ZFR: variants seen among roughly 807,000 people sequenced by gnomAD.
The protein encoded by ZFR is zinc finger RNA binding protein, also known as zinc finger RNA-binding protein.
In ZFR, 19 loss-of-function variants were observed where a neutral mutation model predicts 130.7. The ratio of observed to expected loss-of-function variants is 0.15; its 90% confidence interval spans 0.10 to 0.21. The LOEUF (loss-of-function observed/expected upper bound fraction) is 0.21. Among genes scored for constraint, ZFR ranks in the 10% least tolerant of loss-of-function variants. The pLI, the probability that ZFR is intolerant of heterozygous loss-of-function variation, is 1.00. For synonymous variants in ZFR, 466 were observed against 456.9 expected (o/e 1.02, Z -0.25); for missense variants, 872 against 1,321.5 (o/e 0.66, Z 5.27).
chr5:32,423,662 T>C (rs1754003874), intron 2 of ZFR, among the ~76,000 whole-genome samples: 1 of 151,742 alleles, frequency 6.6e-6, no homozygotes, highest in Non-Finnish European at 1.5e-5. Context: ...AATTAAGAAA[T>C]AAAATTTCCC....
intron 2 of ZFR, among the ~76,000 whole-genome samples, chr5:32,427,299 C>G (rs1271351472): frequency 6.9e-6 from 1 of 145,866 alleles, no homozygotes; most frequent in Non-Finnish European, 1.5e-5. Context: ...TGGCTGGGAT[C>G]ACCTGAGCCC....
In ZFR at chr5:32,354,890, G is replaced by GA. The variant is rs1422527955; in HGVS notation, c.*869dup. ...AAATGCCCTTTCCACTTATACACAA[G>GA]AAAAAAATATTCAGAAAGTTATTTT... On this transcript the variant is annotated 3_prime_UTR_variant, in exon 20 of 20. Coordinates refer to ENST00000265069, the MANE Select transcript of ZFR (RefSeq NM_016107.5). The GA allele has an allele frequency of 2.0e-5, 3 of 151,976 alleles. No individual in the cohort carries two copies. The highest frequency in any genetic ancestry group is 1.9e-4 in the East Asian group (1 of 5,204). 9.4% of individuals were successfully genotyped at this position (151,976 alleles called of 1,614,324 possible).
At chr5:32,380,015 G>A in intron 16 of ZFR, 60 bp downstream of exon 16, 1 of 1,386,142 alleles carries the variant, frequency 7.2e-7, no homozygotes, top group South Asian at 1.2e-5. Context: ...AGTTAAACAT[G>A]TTGTACTGAA....
At chr5:32,382,872 A>G (rs1247114227) in intron 15 of ZFR, among the ~76,000 whole-genome samples, 1 of 152,194 alleles carries the variant, frequency 6.6e-6, no homozygotes, top group East Asian at 1.9e-4. Context: ...TTTCAAGTAG[A>G]TTAACCCCTT....
At chr5:32,377,512 C>T (rs1364687451) in intron 17 of ZFR, among the ~76,000 whole-genome samples, 1 of 151,572 alleles carries the variant, frequency 6.6e-6, no homozygotes, top group Admixed American at 6.6e-5. Context: ...CAAAAATCAT[C>T]ATAAAGCTGA....
At chr5:32,409,584 T>C (rs1322288073) in intron 5 of ZFR, among the ~76,000 whole-genome samples, 1 of 152,102 alleles carries the variant, frequency 6.6e-6, no homozygotes. Flanking sequence ...TTTTGTATTT[T>C]TAGTAGAGAC....
intron 2 of ZFR, among the ~76,000 whole-genome samples, chr5:32,433,357 A>G (rs960944742): frequency 6.6e-6 from 1 of 152,230 alleles, no homozygotes; most frequent in Admixed American, 6.5e-5. Flanking sequence ...TTTTTATTCC[A>G]TATTGCCCTG....
At chr5:32,397,739 G>A (rs1461283914) in intron 9 of ZFR, among the ~76,000 whole-genome samples, 1 of 151,402 alleles carries the variant, frequency 6.6e-6, no homozygotes, top group Non-Finnish European at 1.5e-5. Context: ...ACAGGCATGA[G>A]CCACTGCGCC....
intron 5 of ZFR, among the ~76,000 whole-genome samples, chr5:32,412,417 T>C (rs1753733420): frequency 1.3e-5 from 2 of 152,060 alleles, no homozygotes; most frequent in African/African-American, 2.4e-5. Flanking sequence ...AAGATAAAAA[T>C]AAGGAACTGT....
Position 32,419,824 on chromosome 5 carries a change from G to A in ZFR, c.417C>T (p.Tyr139=), listed in dbSNP as rs770195801. The A allele has an allele frequency of 6.3e-7, 1 of 1,592,408 alleles. No individual in the cohort carries two copies. The highest frequency in any genetic ancestry group is 1.1e-5 in the South Asian group (1 of 89,824). The part of the protein sequence containing the change: ...PPPPPATTQN[Y]QDSYSYVRST... ...CCAAAACTAGTAGTTTTCTTACCTGGTAGTTTTGTGTAGTAGCTGGGGGTG... is the reference window on the plus strand; with the variant it reads ...CCAAAACTAGTAGTTTTCTTACCTGATAGTTTTGTGTAGTAGCTGGGGGTG... The change falls in exon 3 of 20, where the codon TAC becomes TAT. Residue 139 remains tyrosine (Y), a synonymous_variant. Transcript: ENST00000265069.
At chr5:32,423,713 C>G (rs144225387) in intron 2 of ZFR, among the ~76,000 whole-genome samples, 1 of 152,170 alleles carries the variant, frequency 6.6e-6, no homozygotes, top group East Asian at 1.9e-4. Context: ...AAAAAGCTCA[C>G]AGAGAGCAAA....
chr5:32,443,484 A>C (rs1754517259), intron 2 of ZFR, among the ~76,000 whole-genome samples: 1 of 152,272 alleles, frequency 6.6e-6, no homozygotes, highest in Admixed American at 6.5e-5. Flanking sequence ...CCATAGCTCA[A>C]ACAAGGCTGG....
chr5:32,406,886 G>C lies in ZFR; in HGVS notation c.920C>G (p.Thr307Ser). The change falls in exon 6 of 20, where the codon ACC becomes AGC. Residue 307 changes from threonine to serine, a missense_variant. Thr to Ser is a moderately conservative substitution (Grantham distance 58). Coordinates refer to ENST00000265069, the MANE Select transcript of ZFR (RefSeq NM_016107.5). ...AAATAAWTGT[T>S]FTKKAPFQNK... ...TTGGAATGGTGCTTTTTTAGTAAAG[G>C]TGGTCCCTGTCCAGGCAGCTGTTGC... is the stretch of plus-strand genomic sequence containing the variant. 6.2e-7 allele frequency: 1 copy of C among 1,613,868 alleles called. No individual in the cohort carries two copies. Among genetic ancestry groups the C allele is most frequent in the Non-Finnish European group, 8.5e-7 (1 of 1,179,948 alleles).
At chr5:32,418,078 G>C (rs1753868858) in intron 3 of ZFR, among the ~76,000 whole-genome samples, 1 of 152,070 alleles carries the variant, frequency 6.6e-6, no homozygotes, top group East Asian at 1.9e-4. Flanking sequence ...GGCTAACACG[G>C]TGAGACCCCG....
chr5:32,439,394 T>G (rs1464077718), intron 2 of ZFR, among the ~76,000 whole-genome samples: 1 of 152,172 alleles, frequency 6.6e-6, no homozygotes, highest in East Asian at 1.9e-4. Context: ...TTAACACTAC[T>G]TTCAAATAAA....
At chr5:32,363,486 T>C (rs1463995316) in intron 19 of ZFR, among the ~76,000 whole-genome samples, 1 of 152,224 alleles carries the variant, frequency 6.6e-6, no homozygotes, top group Non-Finnish European at 1.5e-5. Flanking sequence ...ACAGATGAGA[T>C]GGCAGAGTTG....
intron 15 of ZFR, 111 bp from the exon 16 acceptor site, chr5:32,380,283 T>C: frequency 1.5e-6 from 1 of 657,388 alleles, no homozygotes; most frequent in Non-Finnish European, 2.7e-6. Flanking sequence ...GAGAGCTTGT[T>C]GGCACTTTAA....
At chr5:32,440,442 G>A (rs1754443797) in intron 2 of ZFR, among the ~76,000 whole-genome samples, 1 of 152,162 alleles carries the variant, frequency 6.6e-6, no homozygotes, top group African/African-American at 2.4e-5. Flanking sequence ...GAGTTCGGGA[G>A]TTTGAGACCA....
intron 19 of ZFR, among the ~76,000 whole-genome samples, chr5:32,356,461 G>A (rs1234738192): frequency 6.6e-6 from 1 of 152,190 alleles, no homozygotes; most frequent in Non-Finnish European, 1.5e-5. Context: ...TGCCCAGGCT[G>A]GAGTGCAGTG....
Sources: gnomAD v4.1 joint callset for allele counts (sites outside exome capture counted in the v4.1 genomes callset) on GRCh38, gnomAD v4.1.1 for gene constraint, MANE v1.5 for transcripts, NCBI Gene and HGNC (gene_info 2026-07-23, HGNC 2026-07-21) for gene names.